Variants in RAPGEF4 observed in about 807,000 individuals in gnomAD.
RAPGEF4 encodes Rap guanine nucleotide exchange factor 4.
A neutral mutation model predicts 147.9 loss-of-function variants in RAPGEF4; 66 were observed. The observed-to-expected ratio is 0.45, with a 90% CI of 0.37 to 0.55. RAPGEF4 has a LOEUF of 0.55. RAPGEF4 is among the 20% of genes least tolerant of loss of function. The pLI, the probability that RAPGEF4 is intolerant of heterozygous loss-of-function variation, is 0.00. For missense variants in RAPGEF4, 1,071 were observed against 1,257.3 expected (o/e 0.85, Z 2.24); for synonymous variants, 419 against 442.7 (o/e 0.95, Z 0.67).
intron 1 of RAPGEF4, among the ~76,000 whole-genome samples, chr2:172,784,511 C>CT (rs1463453319): frequency 7.3e-6 from 1 of 136,432 alleles, no homozygotes; most frequent in East Asian, 2.3e-4. Context: ...GAGCGAAACT[C>CT]TTAAAAAAAA....
intron 10 of RAPGEF4, among the ~76,000 whole-genome samples, chr2:172,979,664 T>C (rs1251246158): frequency 6.6e-6 from 1 of 152,210 alleles, no homozygotes; most frequent in South Asian, 2.1e-4. Context: ...GCAAATAACA[T>C]TCGTGACAGT....
chr2:172,838,549 A>G (rs1490399402), intron 4 of RAPGEF4, among the ~76,000 whole-genome samples: 1 of 152,190 alleles, frequency 6.6e-6, no homozygotes, highest in Non-Finnish European at 1.5e-5. Context: ...TAATATCTCA[A>G]ATAAATTTAA....
At chr2:172,786,107 A>G (rs1685170729) in intron 1 of RAPGEF4, among the ~76,000 whole-genome samples, 1 of 152,172 alleles carries the variant, frequency 6.6e-6, no homozygotes, top group African/African-American at 2.4e-5. Flanking sequence ...CTGGCTAATT[A>G]GTTCCTAGAT....
At chr2:173,036,023 A>C (rs1683956438) in intron 27 of RAPGEF4, 102 bp from the exon 28 acceptor site, 1 of 863,698 alleles carries the variant, frequency 1.2e-6, no homozygotes, top group Non-Finnish European at 1.9e-6. Flanking sequence ...TTCAAAGGTC[A>C]ACTGTACCTG....
intron 6 of RAPGEF4, among the ~76,000 whole-genome samples, chr2:172,931,869 A>G (rs1686016247): frequency 6.6e-6 from 1 of 152,178 alleles, no homozygotes. Flanking sequence ...GATTTGTAAC[A>G]TAGATGCGTA....
intron 4 of RAPGEF4, among the ~76,000 whole-genome samples, chr2:172,853,108 A>G (rs960262540): frequency 6.6e-6 from 1 of 151,770 alleles, no homozygotes; most frequent in Non-Finnish European, 1.5e-5. Context: ...TTTTTTTCTT[A>G]TAGTATTTTT....
intron 4 of RAPGEF4, chr2:172,860,415 G>T (rs577866501): frequency 2.2e-4 from 155 of 702,826 alleles, no homozygotes; most frequent in Admixed American, 2.5e-4. Flanking sequence ...TACAGAAGTA[G>T]ACTTCATTTT....
At chr2:172,990,275 A>G (rs1692699215) in intron 14 of RAPGEF4, among the ~76,000 whole-genome samples, 5 of 152,234 alleles carry the variant, frequency 3.3e-5, no homozygotes, top group Admixed American at 2.6e-4. Context: ...TGAACGAATC[A>G]GATTAGGACC....
At chr2:172,861,094 T>G (rs1693991396) in intron 4 of RAPGEF4, among the ~76,000 whole-genome samples, 1 of 152,200 alleles carries the variant, frequency 6.6e-6, no homozygotes, top group Admixed American at 6.5e-5. Context: ...GGTGGAACTC[T>G]CTGAGATATC....
chr2:172,822,842 T>C (rs1050965150), intron 4 of RAPGEF4, among the ~76,000 whole-genome samples: 1 of 152,228 alleles, frequency 6.6e-6, no homozygotes, highest in African/African-American at 2.4e-5. Flanking sequence ...GCTAAGCTAC[T>C]GAGCAGCCTG....
chr2:172,998,288 G>A (rs1693564861), intron 16 of RAPGEF4, among the ~76,000 whole-genome samples: 1 of 152,178 alleles, frequency 6.6e-6, no homozygotes, highest in South Asian at 2.1e-4. Flanking sequence ...CCATACTAAG[G>A]GATAATATTA....
At chr2:172,958,598 C>A (rs759809295) in intron 6 of RAPGEF4, among the ~76,000 whole-genome samples, 2 of 152,200 alleles carry the variant, frequency 1.3e-5, no homozygotes, top group Non-Finnish European at 2.9e-5. Flanking sequence ...CAAAATCAGT[C>A]CCTGTTTAAA....
rs573391630 is a variant in RAPGEF4 at position 172,944,273 on chromosome 2, C to T, written c.538-16487C>T. 5.3e-5 allele frequency among the ~76,000 whole-genome samples: 8 copies of T among 152,184 alleles called. No individual in the cohort carries two copies. The East Asian group carries it at 5.8e-4, about 11-fold the overall frequency. Reference sequence around the variant, plus strand: ...TCTCAATAATCCCTTTAGGTTTATGCGATAAGACAGTCATGTATTGAAAGT... The same window carrying T: ...TCTCAATAATCCCTTTAGGTTTATGTGATAAGACAGTCATGTATTGAAAGT... On this transcript the variant is annotated intron_variant, in intron 6 of 30. Coordinates refer to ENST00000397081, the MANE Select transcript of RAPGEF4 (RefSeq NM_007023.4).
intron 3 of RAPGEF4, among the ~76,000 whole-genome samples, chr2:172,801,164 G>A (rs1686938947): frequency 6.6e-6 from 1 of 152,158 alleles, no homozygotes; most frequent in Non-Finnish European, 1.5e-5. Context: ...GTGTACATGG[G>A]CAAACTGAGA....
At chr2:173,015,166 T>C (rs1031711512) in intron 18 of RAPGEF4, among the ~76,000 whole-genome samples, 2 of 152,136 alleles carry the variant, frequency 1.3e-5, no homozygotes, top group African/African-American at 4.8e-5. Context: ...GATCAAATGG[T>C]AGATATTTTT....
At chr2:173,051,530 G>A (rs566015940) in intron 30 of RAPGEF4, 110 bp from the exon 31 acceptor site, 134 of 1,227,840 alleles carry the variant, frequency 1.1e-4, no homozygotes, top group Non-Finnish European at 1.4e-4. Flanking sequence ...GAAAGGTCTT[G>A]AGGGAACCCA....
At chr2:172,833,455 T>C (rs537296589) in intron 4 of RAPGEF4, among the ~76,000 whole-genome samples, 4 of 151,972 alleles carry the variant, frequency 2.6e-5, no homozygotes, top group Admixed American at 1.3e-4. Context: ...AGTGTAGGAG[T>C]ATACTTGTTT....
chr2:172,890,163 C>T (rs1253057320), intron 4 of RAPGEF4, among the ~76,000 whole-genome samples: 14 of 152,170 alleles, frequency 9.2e-5, no homozygotes, highest in African/African-American at 2.7e-4. Context: ...GAGGTTCTGA[C>T]GCCAGATGCC....
At chr2:172,895,033 C>A (rs1039425573) in intron 4 of RAPGEF4, among the ~76,000 whole-genome samples, 1 of 151,980 alleles carries the variant, frequency 6.6e-6, no homozygotes, top group Non-Finnish European at 1.5e-5. Context: ...AGAGAGCTCT[C>A]TATAGCTTCT....
Sources: gnomAD v4.1 joint callset for allele counts (sites outside exome capture counted in the v4.1 genomes callset) on GRCh38, gnomAD v4.1.1 for gene constraint, MANE v1.5 for transcripts, NCBI Gene and HGNC (gene_info 2026-07-23, HGNC 2026-07-21) for gene names.